Variants in NFKBIZ observed in about 807,000 individuals in gnomAD.
NFKBIZ encodes the protein NFKB inhibitor zeta.
NFKBIZ carries 19 observed loss-of-function variants against 76.8 expected under a neutral mutation model. That is an observed-to-expected ratio of 0.25 (90% CI 0.17 to 0.36). The LOEUF is 0.36. NFKBIZ is among the 10% of genes least tolerant of loss of function. The probability of loss-of-function intolerance (pLI) is 1.00; values close to 1 mark genes in which losing one functional copy is unlikely to be tolerated. For missense variants in NFKBIZ, 829 were observed against 910.9 expected, an observed-to-expected ratio of 0.91 and a Z score of 1.16; for synonymous variants, 368 against 354.8, an observed-to-expected ratio of 1.04 and a Z score of -0.42.
At chr3:101,849,300 A>G, upstream of NFKBIZ, 1 of 218,504 alleles carries the variant, frequency 4.6e-6, no homozygotes. Flanking sequence ...AGGGCAGGCA[A>G]ACAACCGGTC....
Position 101,857,141 on chromosome 3 carries a change from C to T in NFKBIZ, c.1893C>T (p.Leu631=). ...AEEANLELIR[L]FLELPSCLSF... Reference sequence around the variant, plus strand: ...AAGCAAATCTGGAACTCATTCGCCTCTTTTTGGAGCTGCCCAGTTGCCTGT... The same window carrying T: ...AAGCAAATCTGGAACTCATTCGCCTTTTTTTGGAGCTGCCCAGTTGCCTGT... Residue 631 remains leucine, a synonymous_variant, in exon 10 of 12, where the codon CTC becomes CTT. Transcript: ENST00000326172. 1 of 1,535,010 alleles carries T rather than the reference C, an allele frequency of 6.5e-7. No homozygotes were observed. Among genetic ancestry groups the T allele is most frequent in the East Asian group, 2.3e-5 (1 of 44,268 alleles).
Position 101,835,532 on chromosome 3 carries a change from C to T in NFKBIZ, c.-12+5844C>T, listed in dbSNP as rs1264971764. ...GATAAGGTGTTGGCAGGTTTGGTTT[C>T]TCCGAGGCCTCTCTCCTGACTTGTA... On this transcript the variant is annotated intron_variant, in intron 2 of 12. Transcript: ENST00000394054. 6.6e-5 allele frequency among the ~76,000 whole-genome samples: 10 copies of T among 152,174 alleles called. 1 individual carries two copies. Among genetic ancestry groups the T allele is most frequent in the Admixed American group, 6.5e-4 (10 of 15,282 alleles).
chr3:101,855,689 C>G, intron 8 of NFKBIZ, 44 bp from the exon 9 acceptor site: 4 of 1,544,480 alleles, frequency 2.6e-6, no homozygotes, highest in Non-Finnish European at 3.5e-6. Flanking sequence ...ACCAAAAGAC[C>G]TGATGGGATG....
In NFKBIZ at chr3:101,853,499, A is replaced by T; in HGVS notation, c.973A>T (p.Asn325Tyr). The change falls in exon 5 of 12, where the codon AAC becomes TAC. Residue 325 changes from asparagine (N) to tyrosine (Y), a missense_variant. By Grantham distance (143) the Asn-to-Tyr change is moderately radical. Transcript: ENST00000326172. ...TCCCCAGTCCCCCGCTTATGAACCA[A>T]ACCTCTTTGATGGTCCAGAATCACA... is the stretch of plus-strand genomic sequence containing the variant. ...IPPQSPAYEP[N>Y]LFDGPESQFC... is the part of the protein sequence containing the mutation. The T allele has an allele frequency of 1.9e-6, 3 of 1,614,134 alleles. No individual in the cohort carries two copies. The South Asian group carries it at 3.3e-5, about 18-fold the overall frequency.
At chr3:101,838,213 T>G (rs1429657899) in intron 2 of NFKBIZ, among the ~76,000 whole-genome samples, 1 of 152,232 alleles carries the variant, frequency 6.6e-6, no homozygotes. Flanking sequence ...GAACTAACAC[T>G]TATTAAGCAT....
chr3:101,842,275 C>A (rs975364518), intron 2 of NFKBIZ, among the ~76,000 whole-genome samples: 1 of 152,104 alleles, frequency 6.6e-6, no homozygotes, highest in Non-Finnish European at 1.5e-5. Context: ...ACAGCAAGAG[C>A]AAAGTCTCAG....
In NFKBIZ at chr3:101,849,562, G is replaced by A. The variant is rs1942913436; in HGVS notation, c.-67G>A. On this transcript the variant is annotated 5_prime_UTR_variant, in exon 1 of 12. Coordinates refer to ENST00000326172, the MANE Select transcript of NFKBIZ (RefSeq NM_031419.4). ...GCCGACAGCTCCCTGAGCCAGCCCG[G>A]GAGGCAGCCGCGCGCAGCGAGCCGG... 2 of 1,273,754 alleles carry A rather than the reference G, an allele frequency of 1.6e-6. No homozygotes were observed. Among genetic ancestry groups the A allele is most frequent in the Non-Finnish European group, 2.0e-6 (2 of 1,006,560 alleles). The allele number at this position is 1,273,754 out of a possible 1,614,324, so 78.9% of individuals were successfully genotyped here.
Position 101,853,094 on chromosome 3 carries a change from C to T in NFKBIZ, c.568C>T (p.Pro190Ser). Residue 190 changes from proline (P) to serine (S), a missense_variant, in exon 5 of 12, where the codon CCA (proline) becomes TCA (serine). Physicochemically the swap from Pro to Ser is moderately conservative, Grantham distance 74 (BLOSUM62 -1). Around this residue, in one of 4 missense-constraint regions of NFKBIZ, gnomAD observed 371 missense variants for 332.3 expected, o/e 1.12. Transcript: ENST00000326172. Reference sequence around the variant, plus strand: ...GTTGCATTTTCCTTCTTTCCAGACACCACCTCAAACACCAACGCCCGGGGA... The same window carrying T: ...GTTGCATTTTCCTTCTTTCCAGACATCACCTCAAACACCAACGCCCGGGGA... ...PALLHSQFLTPPQTPTPGESM... is the reference protein window; with the variant it reads ...PALLHSQFLTSPQTPTPGESM... The T allele has an allele frequency of 8.7e-6, 14 of 1,612,622 alleles. No individual in the cohort carries two copies. Among genetic ancestry groups the T allele is most frequent in the Non-Finnish European group, 1.0e-5 (12 of 1,178,740 alleles).
At chr3:101,838,955 GTACA>G (rs1293236542) in intron 2 of NFKBIZ, among the ~76,000 whole-genome samples, 1 of 152,096 alleles carries the variant, frequency 6.6e-6, no homozygotes, top group African/African-American at 2.4e-5. Context: ...TGTATATAAA[GTACA>G]TAGTATTCCG....
At chr3:101,855,553 C>A (rs1943037487) in intron 8 of NFKBIZ, 95 bp downstream of exon 8, 6 of 1,325,438 alleles carry the variant, frequency 4.5e-6, no homozygotes, top group Non-Finnish European at 1.1e-6. Flanking sequence ...GTAATTAAAG[C>A]TAAAATATTC....
At chr3:101,839,837 C>T (rs1032271519) in intron 2 of NFKBIZ, among the ~76,000 whole-genome samples, 1 of 152,098 alleles carries the variant, frequency 6.6e-6, no homozygotes, top group East Asian at 1.9e-4. Context: ...ATTTGTAGTA[C>T]AATGTAAATT....
In NFKBIZ at chr3:101,860,938, C is replaced by G. The variant is rs1181363000; in HGVS notation, c.*1567C>G. 2.0e-5 allele frequency: 3 copies of G among 152,010 alleles called. No individual in the cohort carries two copies. The highest frequency in any genetic ancestry group is 7.3e-5 in the African/African-American group (3 of 41,362). 9.4% of individuals were successfully genotyped at this position (152,010 alleles called of 1,614,324 possible). A position where few individuals can be genotyped will look rare whatever the true frequency, so the allele number is the denominator to read the frequency against. ...TTGTAGACACGTTAGTTATAATCAC[C>G]TTGTATCTCTAAATATGGTGTGATA... On this transcript the variant is annotated 3_prime_UTR_variant, in exon 12 of 12. Transcript: ENST00000326172.
At chr3:101,856,760 G>A (rs1248830799) in intron 9 of NFKBIZ, 2 of 215,124 alleles carry the variant, frequency 9.3e-6, no homozygotes, top group African/African-American at 4.6e-5. Flanking sequence ...AAATGTAGGT[G>A]AATACATAAT....
In NFKBIZ at chr3:101,853,637, T is replaced by A. The variant is rs1374593476; in HGVS notation, c.1111T>A (p.Leu371Met). The A allele has an allele frequency of 6.2e-7, 1 of 1,614,262 alleles. No homozygotes were observed. Among genetic ancestry groups the A allele is most frequent in the South Asian group, 1.1e-5 (1 of 91,086 alleles). The change falls in exon 5 of 12, where the codon TTG becomes ATG. Residue 371 changes from leucine to methionine, a missense_variant. Transcript: ENST00000326172. ...SSVQQQNDAH[L>M]HSFSMMPSSA... ...TGTTCAGCAGCAAAATGATGCTCAC[T>A]TGCACAGCTTCAGCATGATGCCCAG...
intron 2 of NFKBIZ, among the ~76,000 whole-genome samples, chr3:101,843,251 A>G (rs1199276074): frequency 6.6e-6 from 1 of 152,062 alleles, no homozygotes; most frequent in Non-Finnish European, 1.5e-5. Context: ...CCTAGGCAAC[A>G]CAGCCAGACC....
upstream of NFKBIZ, chr3:101,849,299 A>C: frequency 4.6e-6 from 1 of 217,656 alleles, no homozygotes. Flanking sequence ...AAGGGCAGGC[A>C]AACAACCGGT....
chr3:101,857,734 T>G, intron 11 of NFKBIZ: 7 of 985,428 alleles, frequency 7.1e-6, no homozygotes, highest in Non-Finnish European at 8.4e-6. Flanking sequence ...TCAGAATGGT[T>G]TAAGGTTCGG....
chr3:101,833,520 G>C (rs1346305970), intron 2 of NFKBIZ, among the ~76,000 whole-genome samples: 1 of 152,182 alleles, frequency 6.6e-6, no homozygotes, highest in Non-Finnish European at 1.5e-5. Context: ...TTTCTATGTT[G>C]TATCTTTGCT....
chr3:101,838,887 T>C (rs559248386), intron 2 of NFKBIZ, among the ~76,000 whole-genome samples: 1 of 152,344 alleles, frequency 6.6e-6, no homozygotes, highest in South Asian at 2.1e-4. Context: ...CATAACTGCA[T>C]ATTTTACCTC....
Sources: gnomAD v4.1 joint callset for allele counts (sites outside exome capture counted in the v4.1 genomes callset) on GRCh38, gnomAD v4.1.1 for gene constraint, gnomAD v4.1.1 regional missense constraint, MANE v1.5 for transcripts, NCBI Gene and HGNC (gene_info 2026-07-23, HGNC 2026-07-21) for gene names.